Variants in DIP2A observed in about 807,000 individuals in gnomAD.
DIP2A encodes disco-interacting protein 2 homolog A.
Under a neutral mutation model 177.4 loss-of-function variants are expected in DIP2A, and 85 were observed. The observed-to-expected ratio is 0.48, with a 90% CI of 0.40 to 0.57. The LOEUF (loss-of-function observed/expected upper bound fraction) is 0.57. DIP2A is among the 20% of genes least tolerant of loss of function. The pLI is 0.00. For synonymous variants in DIP2A, 886 were observed against 881.8 expected, an observed-to-expected ratio of 1.00 and a Z score of -0.08; for missense variants, 1,791 against 2,100.2, an observed-to-expected ratio of 0.85 and a Z score of 2.88.
At chr21:46,514,817 G>A (rs945682675) in intron 8 of DIP2A, among the ~76,000 whole-genome samples, 1 of 151,824 alleles carries the variant, frequency 6.6e-6, no homozygotes, top group African/African-American at 2.4e-5. Flanking sequence ...GATTAAGAAC[G>A]TTCCCTTCTC....
chr21:46,567,745 C>G lies in DIP2A; in HGVS notation c.*123C>G, dbSNP rs1418903364. On this transcript the variant is annotated 3_prime_UTR_variant, in exon 38 of 38. Coordinates refer to ENST00000417564, the MANE Select transcript of DIP2A (RefSeq NM_015151.4). Reference sequence around the variant, plus strand: ...CCTTCCTGTGCTCTTACAGATCCCTCTCAACAATCCCCGCATCTCCTTTTA... The same window carrying G: ...CCTTCCTGTGCTCTTACAGATCCCTGTCAACAATCCCCGCATCTCCTTTTA... 1.7e-6 allele frequency: 2 copies of G among 1,194,008 alleles called. No homozygotes were observed. The highest frequency in any genetic ancestry group is 2.6e-5 in the East Asian group (1 of 39,170). 74.0% of individuals were successfully genotyped at this position (1,194,008 alleles called of 1,614,324 possible). A position where few individuals can be genotyped will look rare whatever the true frequency, so the allele number is the denominator to read the frequency against.
At chr21:46,475,540 G>A (rs1026417798) in intron 1 of DIP2A, among the ~76,000 whole-genome samples, 2 of 152,254 alleles carry the variant, frequency 1.3e-5, no homozygotes, top group Non-Finnish European at 2.9e-5. Context: ...GTCAGCCACA[G>A]GCTTCAGTTT....
At chr21:46,481,655 A>G (rs754672016) in intron 1 of DIP2A, among the ~76,000 whole-genome samples, 1 of 152,238 alleles carries the variant, frequency 6.6e-6, no homozygotes, top group African/African-American at 2.4e-5. Flanking sequence ...AGCTGTTTGA[A>G]TAGGCATATA....
At chr21:46,547,271 G>A in intron 21 of DIP2A, 1 of 1,266,160 alleles carries the variant, frequency 7.9e-7, no homozygotes, top group Non-Finnish European at 1.0e-6. Flanking sequence ...ATAAGGTTTT[G>A]ATGTAAAATT....
intron 1 of DIP2A, among the ~76,000 whole-genome samples, chr21:46,466,333 A>G (rs1159582538): frequency 4.0e-5 from 6 of 149,158 alleles, no homozygotes; most frequent in African/African-American, 1.5e-4. Flanking sequence ...TATAGATTCT[A>G]CATTATAACT....
intron 1 of DIP2A, among the ~76,000 whole-genome samples, chr21:46,468,443 G>A (rs62224258): frequency 0.31 from 46,260 of 150,272 alleles, 7,553 homozygotes; most frequent in Admixed American, 0.36. Context: ...GAAAATCGGC[G>A]CCAGAACAAA....
At chr21:46,580,398 A>G in the DIP2A span, among the ~76,000 whole-genome samples, 3 of 152,154 alleles carry the variant, frequency 2.0e-5, no homozygotes, top group African/African-American at 7.2e-5. Flanking sequence ...CTGTTTATCC[A>G]GCTTGCCATT....
chr21:46,529,908 A>G (rs2059284709), intron 9 of DIP2A, among the ~76,000 whole-genome samples: 1 of 152,182 alleles, frequency 6.6e-6, no homozygotes, highest in Non-Finnish European at 1.5e-5. Flanking sequence ...CTGGAGACTT[A>G]TTCTCTTGTG....
chr21:46,478,972 T>C (rs1445878641), intron 1 of DIP2A, among the ~76,000 whole-genome samples: 1 of 152,180 alleles, frequency 6.6e-6, no homozygotes, highest in African/African-American at 2.4e-5. Flanking sequence ...ATCTGGTAGG[T>C]AGATAGGTTG....
chr21:46,501,584 T>A (rs1370408478), intron 5 of DIP2A, among the ~76,000 whole-genome samples: 1 of 152,158 alleles, frequency 6.6e-6, no homozygotes, highest in African/African-American at 2.4e-5. Context: ...CATGCCTAGC[T>A]AATTTTTAAA....
At position 46,498,788 on chromosome 21, in the gene DIP2A, G is replaced by A. The variant is rs749353975; in HGVS notation, c.610G>A (p.Ala204Thr). ...CAGTGCTGCAGCCACGCCGGGGGCC[G>A]CCGCTACCACTGCACTCGCAGGCCT... Reference protein sequence around the residue: ...APSAAATPGAAATTALAGLEA... With the variant: ...APSAAATPGATATTALAGLEA... Residue 204 changes from alanine to threonine, a missense_variant, in exon 5 of 38, where the codon GCC (alanine) becomes ACC (threonine). Transcript: ENST00000417564. The surrounding 1 kb of genome is among the most constrained non-coding windows in gnomAD (Gnocchi z 4.3). 2.4e-5 allele frequency: 38 copies of A among 1,613,636 alleles called. 1 individual carries two copies. The South Asian group carries it at 2.5e-4, about 11-fold the overall frequency.
At chr21:46,549,907 A>C (rs767089681) in intron 22 of DIP2A, 22 bp downstream of exon 22, 1 of 1,607,518 alleles carries the variant, frequency 6.2e-7, no homozygotes, top group Non-Finnish European at 8.5e-7. Context: ...GGCACGGCCT[A>C]TGGTTCGGTG....
chr21:46,504,735 C>A (rs1207160119), intron 6 of DIP2A, among the ~76,000 whole-genome samples: 1 of 152,154 alleles, frequency 6.6e-6, no homozygotes, highest in Non-Finnish European at 1.5e-5. Context: ...AAAAGACTTC[C>A]AAATTTAGAT....
At chr21:46,464,817 C>CTTTTT (rs1168153777) in intron 1 of DIP2A, among the ~76,000 whole-genome samples, 3 of 73,442 alleles carry the variant, frequency 4.1e-5, no homozygotes, top group African/African-American at 6.1e-5. Context: ...ATATTCATGT[C>CTTTTT]TTTTTTTTTT....
intron 18 of DIP2A, among the ~76,000 whole-genome samples, chr21:46,544,913 C>T (rs1032528239): frequency 6.6e-6 from 1 of 152,154 alleles, no homozygotes; most frequent in Non-Finnish European, 1.5e-5. Flanking sequence ...ATGTGTTGTA[C>T]TTTCTGGTCA....
chr21:46,545,261 G>A lies in DIP2A; in HGVS notation c.2301G>A (p.Lys767=), dbSNP rs1485158424. Residue 767 remains lysine, a synonymous_variant, in exon 19 of 38, where the codon AAG becomes AAA. Transcript: ENST00000417564. ...TAYYGLLGIT[K]NVFEAVPVTT... is the part of the protein sequence containing the mutation. ...ACTATGGATTGCTTGGAATCACGAA[G>A]AATGTGTTTGAGGTTTGTCCCTTTT... 2 of 1,596,284 alleles carry A rather than the reference G, an allele frequency of 1.3e-6. No individual in the cohort carries two copies. Among genetic ancestry groups the A allele is most frequent in the Non-Finnish European group, 1.7e-6 (2 of 1,166,912 alleles).
Position 46,554,229 on chromosome 21 carries a change from G to T in DIP2A, c.3091G>T (p.Ala1031Ser). 1.2e-6 allele frequency: 2 copies of T among 1,613,956 alleles called. No individual in the cohort carries two copies. Among genetic ancestry groups the T allele is most frequent in the Non-Finnish European group, 1.7e-6 (2 of 1,179,868 alleles). The change falls in exon 26 of 38, where the codon GCG (alanine) becomes TCG (serine). Residue 1031 changes from alanine (A) to serine (S), a missense_variant. Transcript: ENST00000417564. ...QLHKRAERVA[A>S]ALMEKGRLSV... ...GCACAAAAGGGCTGAGAGAGTGGCC[G>T]CGGCTCTGATGGAGAAGGGAAGACT...
chr21:46,496,019 C>G (rs2057339190), intron 3 of DIP2A, among the ~76,000 whole-genome samples: 3 of 151,902 alleles, frequency 2.0e-5, no homozygotes, highest in African/African-American at 7.3e-5. Flanking sequence ...TTGCAGTGAG[C>G]TGAGATCACG....
chr21:46,559,121 AAAACAT>A (rs1208887317), intron 32 of DIP2A: 1 of 151,580 alleles, frequency 6.6e-6, no homozygotes, highest in Non-Finnish European at 1.5e-5. Context: ...AAAAAAAAAA[AAAACAT>A]AGGTAGCACC....
Sources: gnomAD v4.1 joint callset for allele counts (sites outside exome capture counted in the v4.1 genomes callset) on GRCh38, gnomAD v4.1.1 for gene constraint, Gnocchi (gnomAD v3.1) non-coding constraint, MANE v1.5 for transcripts, NCBI Gene and HGNC (gene_info 2026-07-23, HGNC 2026-07-21) for gene names.